MTUS1: variants seen among roughly 807,000 people sequenced by gnomAD.
The protein encoded by MTUS1 is microtubule associated scaffold protein 1.
In MTUS1, 109 loss-of-function variants were observed where a neutral mutation model predicts 120.8. That is an observed-to-expected ratio of 0.90 (90% confidence interval 0.77 to 1.06). MTUS1 has a LOEUF of 1.06. Among genes scored for constraint, MTUS1 ranks in the 50% least tolerant of loss-of-function variants. The pLI, the probability that MTUS1 is intolerant of heterozygous loss-of-function variation, is 0.00. For synonymous variants in MTUS1, 737 were observed against 550.5 expected, an observed-to-expected ratio of 1.34 and a Z score of -4.74; for missense variants, 2,210 against 1,486.3, an observed-to-expected ratio of 1.49 and a Z score of -8.01.
rs745399534 is a variant in MTUS1, at chr8:17,646,982, C to G, written c.3599G>C (p.Arg1200Thr). 1 of 1,612,398 alleles carries G rather than the reference C, an allele frequency of 6.2e-7. No homozygotes were observed. Among genetic ancestry groups the G allele is most frequent in the South Asian group, 1.1e-5 (1 of 90,944 alleles). ...ARMDKHMAIS[R>T]QLSTEQAVLQ... ...AGAAACAGCACTGTTTTATTTTTAC[C>G]TTGAGATTGCCATGTGCTTGTCCAT... The change falls in exon 14 of 15, where the codon AGG (arginine) becomes ACG (threonine). Residue 1200 changes from arginine (R) to threonine (T), a missense_variant and splice_region_variant. Coordinates refer to ENST00000693296, the MANE Select transcript of MTUS1 (RefSeq NM_001363059.2).
At chr8:17,770,044 C>T (rs546097242) in intron 1 of MTUS1, among the ~76,000 whole-genome samples, 1 of 152,222 alleles carries the variant, frequency 6.6e-6, no homozygotes, top group Admixed American at 6.5e-5. Flanking sequence ...TAATTTCCTG[C>T]CGCACTCCAT....
chr8:17,670,998 C>A (rs778150702), intron 8 of MTUS1, among the ~76,000 whole-genome samples: 22 of 151,958 alleles, frequency 1.4e-4, no homozygotes, highest in African/African-American at 5.1e-4. Flanking sequence ...GAGGGGTGTT[C>A]CACTGTGAAA....
At position 17,785,036 on chromosome 8, in the gene MTUS1, C is replaced by T. The variant is rs557326616; in HGVS notation, c.-155+16025G>A. ...CTGGCCTCAAGTGATCCACCTGCCT[C>T]GGCCTCCCAAAGTGCTGGGATTACA... On this transcript the variant is annotated intron_variant, in intron 1 of 14. Transcript: ENST00000693296. Among the ~76,000 whole-genome samples, 221 of 152,234 alleles carry T rather than the reference C, an allele frequency of 1.5e-3. 1 individual carries two copies. The highest frequency in any genetic ancestry group is 0.013 in the South Asian group (62 of 4,822).
rs1291727798 is a variant in MTUS1 at position 17,755,317 on chromosome 8, G to C, written c.491C>G (p.Thr164Arg). The C allele has an allele frequency of 1.1e-5, 17 of 1,614,076 alleles. No homozygotes were observed. The highest frequency in any genetic ancestry group is 1.4e-5 in the Non-Finnish European group (17 of 1,180,038). Residue 164 changes from threonine to arginine, a missense_variant, in exon 2 of 15, where the codon ACA becomes AGA. Coordinates refer to ENST00000693296, the MANE Select transcript of MTUS1 (RefSeq NM_001363059.2). ...ALELNQTFDM[T>R]VDKVNCTFIS... ...AAAGGTGCAGTTAACTTTATCCACT[G>C]TCATGTCAAATGTTTGGTTTAGCTC...
intron 12 of MTUS1, among the ~76,000 whole-genome samples, chr8:17,650,363 C>T (rs982989540): frequency 3.3e-5 from 5 of 152,132 alleles, no homozygotes; most frequent in Non-Finnish European, 2.9e-5. Context: ...AAAGAAAAAG[C>T]AGTGCATTAT....
chr8:17,653,107 G>T lies in MTUS1; in HGVS notation c.3384+79C>A, dbSNP rs537786462. ...ATTCCCAACCTGTGTTATTTCTCTG[G>T]CTGCTGAGTACTTGAATGACTCTAA... On this transcript the variant is annotated intron_variant, in intron 12 of 14. Transcript: ENST00000693296. 1.4e-4 allele frequency: 109 copies of T among 760,688 alleles called. 1 individual carries two copies. In the South Asian group the frequency reaches 1.7e-3, roughly 12 times the overall value. The allele number at this position is 760,688 out of a possible 1,614,324, so 47.1% of individuals were successfully genotyped here. A position where few individuals can be genotyped will look rare whatever the true frequency, so the allele number is the denominator to read the frequency against.
intron 3 of MTUS1, among the ~76,000 whole-genome samples, chr8:17,738,170 A>C (rs1376281588): frequency 1.3e-5 from 2 of 152,200 alleles, no homozygotes; most frequent in South Asian, 2.1e-4. Context: ...TCTCTAGAAG[A>C]AAACCAAAAA....
chr8:17,689,924 G>C (rs1263034888), intron 6 of MTUS1, among the ~76,000 whole-genome samples: 4 of 129,414 alleles, frequency 3.1e-5, no homozygotes, highest in Non-Finnish European at 6.3e-5. Flanking sequence ...ATTCCTGGGT[G>C]GGGGGAGGGA....
At chr8:17,773,211 A>G (rs1351902505) in intron 1 of MTUS1, among the ~76,000 whole-genome samples, 2 of 152,238 alleles carry the variant, frequency 1.3e-5, no homozygotes, top group Non-Finnish European at 2.9e-5. Context: ...TGTATTAAAC[A>G]TCACTGCAAA....
intron 8 of MTUS1, among the ~76,000 whole-genome samples, chr8:17,665,533 G>GTTGT (rs932105932): frequency 2.6e-5 from 4 of 152,036 alleles, no homozygotes; most frequent in Admixed American, 2.0e-4. Context: ...TGTTGTTGTT[G>GTTGT]TGTTTTGAGT....
chr8:17,646,537 A>C (rs1805833157), intron 14 of MTUS1, among the ~76,000 whole-genome samples: 1 of 152,194 alleles, frequency 6.6e-6, no homozygotes, highest in East Asian at 1.9e-4. Flanking sequence ...GCAGTAAGCT[A>C]AGATCACACC....
chr8:17,781,727 G>A (rs1217015528), intron 1 of MTUS1, among the ~76,000 whole-genome samples: 1 of 152,098 alleles, frequency 6.6e-6, no homozygotes, highest in South Asian at 2.1e-4. Flanking sequence ...TTTCCTGCTC[G>A]ACGGCCTCCT....
At chr8:17,745,084 C>G (rs2047642122) in intron 2 of MTUS1, among the ~76,000 whole-genome samples, 1 of 152,186 alleles carries the variant, frequency 6.6e-6, no homozygotes, top group South Asian at 2.1e-4. Flanking sequence ...GAATAAGTCT[C>G]TTCAAATGAT....
chr8:17,667,818 T>G (rs1811215882), intron 8 of MTUS1, among the ~76,000 whole-genome samples: 1 of 152,200 alleles, frequency 6.6e-6, no homozygotes. Flanking sequence ...AGCCACAATT[T>G]ATTTTTTATA....
intron 3 of MTUS1, among the ~76,000 whole-genome samples, chr8:17,741,810 TTG>T (rs2047338449): frequency 6.6e-6 from 1 of 152,188 alleles, no homozygotes; most frequent in Non-Finnish European, 1.5e-5. Flanking sequence ...GAGCTCCAAA[TTG>T]TCCCTAGAAA....
intron 1 of MTUS1, among the ~76,000 whole-genome samples, chr8:17,760,977 C>G (rs1457749383): frequency 2.6e-5 from 4 of 151,950 alleles, no homozygotes; most frequent in South Asian, 4.2e-4. Context: ...GCAGAATGAT[C>G]AAGTTTCCTT....
intron 6 of MTUS1, chr8:17,697,524 G>C: frequency 7.2e-7 from 1 of 1,384,450 alleles, no homozygotes; most frequent in Non-Finnish European, 9.4e-7. Flanking sequence ...CCACCAGAGA[G>C]GCATAGAAGA....
At chr8:17,709,405 G>A (rs1457673711) in intron 6 of MTUS1, among the ~76,000 whole-genome samples, 3 of 152,048 alleles carry the variant, frequency 2.0e-5, no homozygotes, top group Admixed American at 2.0e-4. Flanking sequence ...GTGCATTTGT[G>A]ATTCATGTCT....
At chr8:17,667,474 T>A (rs538396823) in intron 8 of MTUS1, among the ~76,000 whole-genome samples, 49 of 152,362 alleles carry the variant, frequency 3.2e-4, no homozygotes, top group African/African-American at 1.1e-3. Context: ...ACATTCCATA[T>A]GGCGTGAGGC....
Sources: allele counts gnomAD v4.1 joint callset (sites outside exome capture counted in the v4.1 genomes callset), GRCh38; gene constraint gnomAD v4.1.1; transcripts MANE v1.5; gene names NCBI Gene and HGNC (gene_info 2026-07-23, HGNC 2026-07-21).